SDF2: variants seen among roughly 807,000 people sequenced by gnomAD.
The protein encoded by SDF2 is stromal cell-derived factor 2.
SDF2 carries 12 observed loss-of-function variants against 20.5 expected under a neutral mutation model. That is an observed-to-expected ratio of 0.58 (90% CI 0.37 to 0.95). The LOEUF is 0.95. Ranked by LOEUF, SDF2 falls within the 40% of genes least tolerant of loss-of-function variation. SDF2 has a pLI of 0.01. For synonymous variants in SDF2, 100 were observed against 101.0 expected, an observed-to-expected ratio of 0.99 and a Z score of 0.06; for missense variants, 238 against 263.1, an observed-to-expected ratio of 0.90 and a Z score of 0.66.
At chr17:28,650,198 C>T (rs535662640) in intron 2 of SDF2, among the ~76,000 whole-genome samples, 16 of 151,588 alleles carry the variant, frequency 1.1e-4, no homozygotes, top group South Asian at 2.1e-4. Context: ...GTGATCCTCC[C>T]GCCTCAGCCT....
At chr17:28,662,177 T>G (rs564204121), upstream of SDF2, 2 of 288,902 alleles carry the variant, frequency 6.9e-6, no homozygotes, top group East Asian at 6.4e-5. Flanking sequence ...CCACTCCCGG[T>G]GACAGGGAGC....
At chr17:28,660,255 G>A (rs1257554095) in intron 1 of SDF2, among the ~76,000 whole-genome samples, 2 of 152,238 alleles carry the variant, frequency 1.3e-5, no homozygotes, top group East Asian at 3.8e-4. Context: ...AGAGACAAGA[G>A]AGGGAGACGG....
Position 28,648,754 on chromosome 17 carries a change from C to G in SDF2, c.*235G>C. ...CAGTACTAATAAAAAGCATCTGCCC[C>G]TTTACCAGCAAGTCCTCTACTCAGA... On this transcript the variant is annotated 3_prime_UTR_variant, in exon 3 of 3. Transcript: ENST00000247020. 1 of 573,222 alleles carries G rather than the reference C, an allele frequency of 1.7e-6. No individual in the cohort carries two copies. The highest frequency in any genetic ancestry group is 3.1e-6 in the Non-Finnish European group (1 of 321,452). 35.5% of individuals were successfully genotyped at this position (573,222 alleles called of 1,614,324 possible).
rs747870588 is a variant in SDF2 at position 28,661,900 on chromosome 17, A to G, written c.-24T>C. 6.3e-7 allele frequency: 1 copy of G among 1,583,940 alleles called. No individual in the cohort carries two copies. The highest frequency in any genetic ancestry group is 1.7e-5 in the Admixed American group (1 of 57,904). ...ATCCTAACTGTATCGCGGAGCCCCA[A>G]ATCTTCGAAGAAAACTCGGCCCCTC... On this transcript the variant is annotated 5_prime_UTR_variant, in exon 1 of 3. Coordinates refer to ENST00000247020, the MANE Select transcript of SDF2 (RefSeq NM_006923.4).
At chr17:28,654,307 T>C (rs1441331332) in intron 2 of SDF2, among the ~76,000 whole-genome samples, 1 of 149,588 alleles carries the variant, frequency 6.7e-6, no homozygotes, top group Non-Finnish European at 1.5e-5. Context: ...CAAAAAACAG[T>C]GACACAAAAG....
Position 28,655,473 on chromosome 17 carries a change from C to T in SDF2, c.162G>A (p.Gln54=). The T allele has an allele frequency of 6.3e-7, 1 of 1,597,306 alleles. No individual in the cohort carries two copies. Among genetic ancestry groups the T allele is most frequent in the South Asian group, 1.1e-5 (1 of 89,018 alleles). The stretch of plus-strand genomic sequence containing the variant: ...CAGAGGTTACACCTGTCACTGACTG[C>T]TGCCCACTACCTGCAGTTAAGAAAA... The part of the protein sequence containing the change: ...HDVRYGSGSG[Q]QSVTGVTSVD... The change falls in exon 2 of 3, where the codon CAG becomes CAA. Residue 54 remains glutamine, a synonymous_variant. Transcript: ENST00000247020.
At chr17:28,653,884 A>C (rs2071934130) in intron 2 of SDF2, among the ~76,000 whole-genome samples, 1 of 152,228 alleles carries the variant, frequency 6.6e-6, no homozygotes, top group Non-Finnish European at 1.5e-5. Flanking sequence ...AAACTGTATC[A>C]ATATTGCTTC....
At chr17:28,656,498 G>A (rs977114851) in intron 1 of SDF2, among the ~76,000 whole-genome samples, 2 of 151,986 alleles carry the variant, frequency 1.3e-5, no homozygotes, top group Admixed American at 6.6e-5. Flanking sequence ...TGAGGTGGGA[G>A]AATCGCTTGA....
In SDF2 at chr17:28,649,900, C is replaced by CAA. The variant is rs201795041; in HGVS notation, c.349-626_349-625dup. 2.6e-3 allele frequency among the ~76,000 whole-genome samples: 341 copies of CAA among 129,564 alleles called. 2 individuals are homozygous for CAA. The highest frequency in any genetic ancestry group is 7.5e-3 in the African/African-American group (272 of 36,442). The allele number at this position is 129,564 out of a possible 152,430, so 85.0% of individuals were successfully genotyped here. A position where few individuals can be genotyped will look rare whatever the true frequency, so the allele number is the denominator to read the frequency against. On this transcript the variant is annotated intron_variant, in intron 2 of 2. Transcript: ENST00000247020. ...TGGATTACAGAGCAAGACCCCATCT[C>CAA]AAAAAAAAAAAAAAAATTCAGCTGC...
In SDF2 at chr17:28,648,636, G is replaced by A. The variant is rs182590051; in HGVS notation, c.*353C>T. On this transcript the variant is annotated 3_prime_UTR_variant, in exon 3 of 3. Transcript: ENST00000247020. Reference sequence around the variant, plus strand: ...ATCATTTTGGAGAGAGAAAATAGGGGGAAAATCACATACATTAACAGTCCA... The same window carrying A: ...ATCATTTTGGAGAGAGAAAATAGGGAGAAAATCACATACATTAACAGTCCA... 7.9e-6 allele frequency: 2 copies of A among 252,520 alleles called. No homozygotes were observed. The highest frequency in any genetic ancestry group is 1.5e-5 in the Non-Finnish European group (2 of 130,752). 15.6% of individuals were successfully genotyped at this position (252,520 alleles called of 1,614,324 possible). A position where few individuals can be genotyped will look rare whatever the true frequency, so the allele number is the denominator to read the frequency against.
At chr17:28,661,691 T>TCCCTAGCCCA (rs751660896) in intron 1 of SDF2, 35 bp downstream of exon 1, 2 of 1,598,704 alleles carry the variant, frequency 1.3e-6, no homozygotes, top group African/African-American at 2.7e-5. Context: ...CTCCGAGTCC[T>TCCCTAGCCCA]CCCTAGCCCA....
rs907724495 is a variant in SDF2 at position 28,648,793 on chromosome 17, C to G, written c.*196G>C. 6 of 612,182 alleles carry G rather than the reference C, an allele frequency of 9.8e-6. No individual in the cohort carries two copies. The highest frequency in any genetic ancestry group is 3.7e-5 in the African/African-American group (2 of 54,168). 37.9% of individuals were successfully genotyped at this position (612,182 alleles called of 1,614,324 possible). ...CCTCTACTCAGAAAGAACTGACCCACGCAAGTCTGGGAGAGTGACTAGTTC... is the reference window on the plus strand; with the variant it reads ...CCTCTACTCAGAAAGAACTGACCCAGGCAAGTCTGGGAGAGTGACTAGTTC... On this transcript the variant is annotated 3_prime_UTR_variant, in exon 3 of 3. Coordinates refer to ENST00000247020, the MANE Select transcript of SDF2 (RefSeq NM_006923.4).
intron 2 of SDF2, among the ~76,000 whole-genome samples, 159 bp from the exon 3 acceptor site, chr17:28,649,435 G>A (rs554084075): frequency 6.6e-6 from 1 of 152,230 alleles, no homozygotes; most frequent in Non-Finnish European, 1.5e-5. Flanking sequence ...GAGCAGGGCA[G>A]ATCACTTGAG....
intron 1 of SDF2, among the ~76,000 whole-genome samples, chr17:28,656,774 AAT>A (rs2071967138): frequency 1.3e-5 from 2 of 152,196 alleles, no homozygotes; most frequent in Non-Finnish European, 2.9e-5. Context: ...GATAGCCCCT[AAT>A]GTGTCTAATC....
chr17:28,655,369 C>G lies in SDF2; in HGVS notation c.266G>C (p.Gly89Ala), dbSNP rs758409844. 1 of 1,614,126 alleles carries G rather than the reference C, an allele frequency of 6.2e-7. No individual in the cohort carries two copies. Among genetic ancestry groups the G allele is most frequent in the Non-Finnish European group, 8.5e-7 (1 of 1,180,052 alleles). Residue 89 changes from glycine (G) to alanine (A), a missense_variant, in exon 2 of 3, where the codon GGC (glycine) becomes GCC (alanine). By Grantham distance (60) the Gly-to-Ala change is moderately conservative. Coordinates refer to ENST00000247020, the MANE Select transcript of SDF2 (RefSeq NM_006923.4). Reference protein sequence around the residue: ...VCERGTPIKCGQPIRLTHVNT... With the variant: ...VCERGTPIKCAQPIRLTHVNT... Reference sequence around the variant, plus strand: ...GACATGTGTCAGCCGGATGGGCTGGCCACACTTGATGGGGGTTCCCCTCTC... The same window carrying G: ...GACATGTGTCAGCCGGATGGGCTGGGCACACTTGATGGGGGTTCCCCTCTC...
rs747898398 is a variant in SDF2 at position 28,649,168 on chromosome 17, A to G, written c.457T>C (p.Ser153Pro). 1.2e-6 allele frequency: 2 copies of G among 1,614,208 alleles called. No homozygotes were observed. The highest frequency in any genetic ancestry group is 1.7e-6 in the Non-Finnish European group (2 of 1,180,046). ...VRDGEVRFKHSSTEVLLSVTG... is the reference protein window; with the variant it reads ...VRDGEVRFKHPSTEVLLSVTG... ...ACAGACAGCAGTACCTCAGTGGAAG[A>G]GTGTTTGAACCGCACCTCACCATCT... Residue 153 changes from serine to proline, a missense_variant, in exon 3 of 3, where the codon TCT becomes CCT. Physicochemically the swap from Ser to Pro is moderately conservative, Grantham distance 74 (BLOSUM62 -1). Transcript: ENST00000247020.
intron 1 of SDF2, 32 bp downstream of exon 1, chr17:28,661,694 C>T (rs2072047405): frequency 6.2e-7 from 1 of 1,601,874 alleles, no homozygotes; most frequent in Non-Finnish European, 8.5e-7. Context: ...CGAGTCCTCC[C>T]TAGCCCACCC....
chr17:28,658,687 CTCTT>C (rs1447386723), intron 1 of SDF2, among the ~76,000 whole-genome samples: 1 of 152,144 alleles, frequency 6.6e-6, no homozygotes, highest in Non-Finnish European at 1.5e-5. Flanking sequence ...AATCTGATCT[CTCTT>C]TCTTTTCCCC....
chr17:28,656,587 CA>C (rs1458749206), intron 1 of SDF2, among the ~76,000 whole-genome samples: 1 of 151,052 alleles, frequency 6.6e-6, no homozygotes, highest in Non-Finnish European at 1.5e-5. Flanking sequence ...GACTCCGTCT[CA>C]AAAAAAATAA....
Sources: allele counts gnomAD v4.1 joint callset (sites outside exome capture counted in the v4.1 genomes callset), GRCh38; gene constraint gnomAD v4.1.1; transcripts MANE v1.5; gene names NCBI Gene and HGNC (gene_info 2026-07-23, HGNC 2026-07-21).